The following MPPE1 variants were observed in gnomAD, a reference collection of about 807,000 sequenced individuals.
MPPE1 encodes the protein metallo phosphoesterase.
Under a neutral mutation model 43.8 loss-of-function variants are expected in MPPE1, and 28 were observed. The observed-to-expected ratio is 0.64, with a 90% confidence interval of 0.47 to 0.88. The LOEUF is 0.88. Ranked by LOEUF, MPPE1 falls within the 40% of genes least tolerant of loss-of-function variation. The pLI, the probability that MPPE1 is intolerant of heterozygous loss-of-function variation, is 0.00. For missense variants in MPPE1, 428 were observed against 492.2 expected, an observed-to-expected ratio of 0.87 and a Z score of 1.23; for synonymous variants, 159 against 188.5, an observed-to-expected ratio of 0.84 and a Z score of 1.28.
rs1347464374 is a variant in MPPE1 at position 11,886,149 on chromosome 18, A to C, written c.868-333T>G. On this transcript the variant is annotated intron_variant, in intron 9 of 10. Transcript: ENST00000588072. The surrounding 1 kb of genome is among the most constrained non-coding windows in gnomAD (Gnocchi z 4.1). Reference sequence around the variant, plus strand: ...TATGTATTATATAAATCTATATAAGAAAATGCATTTTAATTTTAATTAAGT... The same window carrying C: ...TATGTATTATATAAATCTATATAAGCAAATGCATTTTAATTTTAATTAAGT... The C allele has an allele frequency of 1.3e-5, 3 of 238,558 alleles. No homozygotes were observed. The highest frequency in any genetic ancestry group is 2.6e-4 in the East Asian group (2 of 7,700). 14.8% of individuals were successfully genotyped at this position (238,558 alleles called of 1,614,324 possible). A position where few individuals can be genotyped will look rare whatever the true frequency, so the allele number is the denominator to read the frequency against.
chr18:11,896,938 G>A lies in MPPE1; in HGVS notation c.281+46C>T, dbSNP rs755310164. 48 of 1,564,814 alleles carry A rather than the reference G, an allele frequency of 3.1e-5. No homozygotes were observed. The East Asian group carries it at 6.7e-4, about 22-fold the overall frequency. ...TTGCCTATGAGGAGAGGGCTATACC[G>A]TTTTGCCTACAGAATTTTAGAAAGA... is the stretch of plus-strand genomic sequence containing the variant. On this transcript the variant is annotated intron_variant, in intron 3 of 10. Coordinates refer to ENST00000588072, the MANE Select transcript of MPPE1 (RefSeq NM_023075.6).
At position 11,883,174 on chromosome 18, in the gene MPPE1, TAG is replaced by T. The variant is rs1411535993; in HGVS notation, c.*1269_*1270del. The T allele has an allele frequency of 6.6e-6, 1 of 152,118 alleles. No homozygotes were observed. Among genetic ancestry groups the T allele is most frequent in the African/African-American group, 2.4e-5 (1 of 41,392 alleles). 9.4% of individuals were successfully genotyped at this position (152,118 alleles called of 1,614,324 possible). A position where few individuals can be genotyped will look rare whatever the true frequency, so the allele number is the denominator to read the frequency against. On this transcript the variant is annotated 3_prime_UTR_variant, in exon 11 of 11. Coordinates refer to ENST00000588072, the MANE Select transcript of MPPE1 (RefSeq NM_023075.6). ...TTTTCATGAAGAAAGGATAACTTTA[TAG>T]ACAGTCAGTGCAACACACACATTTT...
chr18:11,905,319 CAAAACAAAAA>C (rs759456172), intron 2 of MPPE1: 1 of 149,902 alleles, frequency 6.7e-6, no homozygotes, highest in Non-Finnish European at 1.5e-5. Flanking sequence ...CAAAACAAAA[CAAAACAAAAA>C]AAAACAACAA....
rs1567912064 is a variant in MPPE1 at position 11,883,163 on chromosome 18, G to GAT, written c.*1281_*1282insAT. The GAT allele has an allele frequency of 1.3e-5, 2 of 151,874 alleles. No individual in the cohort carries two copies. The highest frequency in any genetic ancestry group is 4.8e-5 in the African/African-American group (2 of 41,286). 9.4% of individuals were successfully genotyped at this position (151,874 alleles called of 1,614,324 possible). On this transcript the variant is annotated 3_prime_UTR_variant, in exon 11 of 11. Coordinates refer to ENST00000588072, the MANE Select transcript of MPPE1 (RefSeq NM_023075.6). Reference sequence around the variant, plus strand: ...TAAATGCTACTTTTTCATGAAGAAAGGATAACTTTATAGACAGTCAGTGCA... The same window carrying GAT: ...TAAATGCTACTTTTTCATGAAGAAAGATGATAACTTTATAGACAGTCAGTGCA...
Position 11,884,604 on chromosome 18 carries a change from G to A in MPPE1, c.1032C>T (p.Tyr344=), listed in dbSNP as rs757591266. The part of the protein sequence containing the change: ...FIMGSITPTD[Y]TLSKCYLPRE... ...GTGGGAGGTAGCACTTGGAGAGGGT[G>A]TAGTCTGTGGGCGTGATGCTACCCT... Residue 344 remains tyrosine (Y), a synonymous_variant, in exon 11 of 11, where the codon TAC becomes TAT. Transcript: ENST00000588072. 16 of 1,613,782 alleles carry A rather than the reference G, an allele frequency of 9.9e-6. No homozygotes were observed. Among genetic ancestry groups the A allele is most frequent in the Non-Finnish European group, 1.4e-5 (16 of 1,179,984 alleles).
intron 10 of MPPE1, 151 bp from the exon 11 acceptor site, chr18:11,884,778 G>C (rs932903368): frequency 2.8e-5 from 37 of 1,340,510 alleles, no homozygotes; most frequent in Non-Finnish European, 3.4e-5. Flanking sequence ...AGGGGGCCCA[G>C]CCTTCTCCCT....
intron 2 of MPPE1, among the ~76,000 whole-genome samples, chr18:11,899,818 A>C (rs1448369274): frequency 1.3e-5 from 2 of 152,190 alleles, no homozygotes; most frequent in Non-Finnish European, 2.9e-5. Flanking sequence ...TGTCACACGT[A>C]GGCATGGAGT....
chr18:11,886,852 A>G lies in MPPE1; in HGVS notation c.678+65T>C. ...AAGGGCAAGAAGCGCTAGGGGGCTG[A>G]GTGAGCAACCGAAGCGGAGCAACAC... On this transcript the variant is annotated intron_variant, in intron 7 of 10. Transcript: ENST00000588072. The surrounding 1 kb of genome is among the most constrained non-coding windows in gnomAD (Gnocchi z 4.1). The G allele has an allele frequency of 6.3e-7, 1 of 1,596,432 alleles. No individual in the cohort carries two copies. Among genetic ancestry groups the G allele is most frequent in the Non-Finnish European group, 8.6e-7 (1 of 1,167,672 alleles).
Position 11,893,583 on chromosome 18 carries a change from G to A in MPPE1, c.282-7C>T. 1 of 1,611,806 alleles carries A rather than the reference G, an allele frequency of 6.2e-7. No individual in the cohort carries two copies. Among genetic ancestry groups the A allele is most frequent in the South Asian group, 1.1e-5 (1 of 91,026 alleles). On this transcript the variant is annotated splice_region_variant and splice_polypyrimidine_tract_variant and intron_variant, in intron 3 of 10. Coordinates refer to ENST00000588072, the MANE Select transcript of MPPE1 (RefSeq NM_023075.6). ...TCTCTCCATCTGCCATTCCCTTGAT[G>A]CCAATAGGAAAAAGTAAGGCATCAG...
chr18:11,886,628 G>A lies in MPPE1; in HGVS notation c.745-7C>T, dbSNP rs188748239. ...TCCGATACAGAGGATAATGCTGTCC[G>A]GGGTGGAGAGAGGAGTTCAGGCGGC... On this transcript the variant is annotated splice_polypyrimidine_tract_variant and splice_region_variant and intron_variant, in intron 8 of 10. Transcript: ENST00000588072. This position sits in a 1 kb window ranked among gnomAD's most constrained non-coding sequence, Gnocchi z 4.1. The A allele has an allele frequency of 4.3e-4, 691 of 1,614,140 alleles. 2 individuals carry two copies. The African/African-American group carries it at 7.0e-3, about 16-fold the overall frequency.
rs377104424 is a variant in MPPE1, at chr18:11,884,458, C to T, written c.1178G>A (p.Arg393His). 19 of 1,613,788 alleles carry T rather than the reference C, an allele frequency of 1.2e-5. No homozygotes were observed. The highest frequency in any genetic ancestry group is 6.7e-5 in the African/African-American group (5 of 74,892). Residue 393 changes from arginine to histidine, a missense_variant, in exon 11 of 11, where the codon CGT (arginine) becomes CAT (histidine). Arg to His is a conservative substitution (Grantham distance 29, BLOSUM62 0). Coordinates refer to ENST00000588072, the MANE Select transcript of MPPE1 (RefSeq NM_023075.6). ...FLSGLNLLGK[R>H]KTR is the part of the protein sequence containing the mutation. ...GGCGCCTGCTCTTCATCTTGTCTTA[C>T]GCTTTCCGAGCAAGTTCAAACCAGA...
intron 2 of MPPE1, among the ~76,000 whole-genome samples, chr18:11,900,396 C>T (rs552043901): frequency 2.3e-4 from 35 of 151,980 alleles, no homozygotes; most frequent in Admixed American, 1.2e-3. Flanking sequence ...GTCCCATCTA[C>T]GCGGGAGGCT....
At position 11,886,492 on chromosome 18, in the gene MPPE1, G is replaced by T. The variant is rs371495989; in HGVS notation, c.867+7C>A. ...ACATGAATTAGCATCACGACACCCTGGCAAACCTTTTGTGATGCCTCCCGT... is the reference window on the plus strand; with the variant it reads ...ACATGAATTAGCATCACGACACCCTTGCAAACCTTTTGTGATGCCTCCCGT... On this transcript the variant is annotated splice_region_variant and intron_variant, in intron 9 of 10. Coordinates refer to ENST00000588072, the MANE Select transcript of MPPE1 (RefSeq NM_023075.6). This position sits in a 1 kb window ranked among gnomAD's most constrained non-coding sequence, Gnocchi z 4.1. 4 of 1,613,978 alleles carry T rather than the reference G, an allele frequency of 2.5e-6. No homozygotes were observed. In the African/African-American group the frequency reaches 5.3e-5, roughly 22 times the overall value.
intron 4 of MPPE1, 73 bp downstream of exon 4, chr18:11,893,395 A>T (rs1212693648): frequency 1.7e-5 from 18 of 1,048,426 alleles, no homozygotes; most frequent in Non-Finnish European, 2.4e-5. Context: ...GCTGACACTG[A>T]TTCGTGGATT....
At chr18:11,904,838 G>C (rs1266684598) in intron 2 of MPPE1, among the ~76,000 whole-genome samples, 1 of 152,056 alleles carries the variant, frequency 6.6e-6, no homozygotes, top group African/African-American at 2.4e-5. Flanking sequence ...AGCTACTTGG[G>C]AGGTTGAGGC....
At chr18:11,884,724 C>T (rs1438932025) in intron 10 of MPPE1, 97 bp from the exon 11 acceptor site, 1 of 1,395,168 alleles carries the variant, frequency 7.2e-7, no homozygotes, top group Non-Finnish European at 9.8e-7. Flanking sequence ...TTCTCAGGTC[C>T]CCCTCAGGTG....
rs2036784295 is a variant in MPPE1 at position 11,883,652 on chromosome 18, T to C, written c.*793A>G. On this transcript the variant is annotated 3_prime_UTR_variant, in exon 11 of 11. Transcript: ENST00000588072. ...TCCATTAATTGATCAAGTATAAAAA[T>C]CTACGAAAACAATATGTTCTGCACA... is the stretch of plus-strand genomic sequence containing the variant. 2 of 153,270 alleles carry C rather than the reference T, an allele frequency of 1.3e-5. No homozygotes were observed. Among genetic ancestry groups the C allele is most frequent in the African/African-American group, 4.8e-5 (2 of 41,438 alleles). The allele number at this position is 153,270 out of a possible 1,614,324, so 9.5% of individuals were successfully genotyped here.
chr18:11,901,219 T>C (rs2039165810), intron 2 of MPPE1, among the ~76,000 whole-genome samples: 1 of 151,884 alleles, frequency 6.6e-6, no homozygotes, highest in African/African-American at 2.4e-5. Context: ...TAACTCTTGA[T>C]TTATTTATTT....
intron 10 of MPPE1, chr18:11,885,260 G>A (rs2037021690): frequency 7.3e-6 from 2 of 272,632 alleles, no homozygotes; most frequent in African/African-American, 4.6e-5. Context: ...TGGTCATTAA[G>A]TGAAACATCT....
Sources: allele counts gnomAD v4.1 joint callset (sites outside exome capture counted in the v4.1 genomes callset), GRCh38; gene constraint gnomAD v4.1.1; non-coding constraint Gnocchi (gnomAD v3.1); transcripts MANE v1.5; gene names NCBI Gene and HGNC (gene_info 2026-07-23, HGNC 2026-07-21).